The following HPCAL1 variants were observed in gnomAD, a reference collection of about 807,000 sequenced individuals.
The protein encoded by HPCAL1 is hippocalcin like 1.
In HPCAL1, 8 loss-of-function variants were observed where a neutral mutation model predicts 17.1. That is an observed-to-expected ratio of 0.47 (90% confidence interval 0.27 to 0.84). HPCAL1 has a LOEUF of 0.84. HPCAL1 is among the 40% of genes least tolerant of loss of function. The pLI is 0.13. For synonymous variants in HPCAL1, 112 were observed against 111.4 expected (o/e 1.01, Z -0.03); for missense variants, 165 against 271.1 (o/e 0.61, Z 2.75).
chr2:10,307,252 C>T (rs558712764), intron 1 of HPCAL1, among the ~76,000 whole-genome samples: 115 of 152,320 alleles, frequency 7.5e-4, no homozygotes, highest in Non-Finnish European at 1.2e-3. Context: ...TTGGGTGGTG[C>T]GTGGTTCTCC....
intron 2 of HPCAL1, among the ~76,000 whole-genome samples, chr2:10,410,016 C>G (rs1670248891): frequency 1.3e-5 from 2 of 148,912 alleles, no homozygotes; most frequent in Non-Finnish European, 3.0e-5. Flanking sequence ...TCTTGAACTC[C>G]TGAGCTCAGA....
rs1400223229 is a variant in HPCAL1, at chr2:10,331,406, C to A, written c.-111+28229C>A. On this transcript the variant is annotated intron_variant, in intron 1 of 4. Coordinates refer to ENST00000307845, the MANE Select transcript of HPCAL1 (RefSeq NM_002149.4). The surrounding 1 kb of genome is among the most constrained non-coding windows in gnomAD (Gnocchi z 5.0). Reference sequence around the variant, plus strand: ...CCCGGGGAGCTCGGAGTTCTGCAGGCACGGGGCTGGCTCCTTTCTTCATGT... The same window carrying A: ...CCCGGGGAGCTCGGAGTTCTGCAGGAACGGGGCTGGCTCCTTTCTTCATGT... Among the ~76,000 whole-genome samples the A allele has an allele frequency of 6.6e-6, 1 of 152,208 alleles. No homozygotes were observed. The highest frequency in any genetic ancestry group is 1.5e-5 in the Non-Finnish European group (1 of 68,030).
intron 1 of HPCAL1, among the ~76,000 whole-genome samples, chr2:10,322,843 C>G (rs1663757651): frequency 6.6e-6 from 1 of 152,180 alleles, no homozygotes; most frequent in African/African-American, 2.4e-5. Flanking sequence ...CTTATCTAAG[C>G]CACTCTTATC....
chr2:10,388,945 G>C (rs973751896), intron 1 of HPCAL1, among the ~76,000 whole-genome samples: 1 of 152,144 alleles, frequency 6.6e-6, no homozygotes, highest in Non-Finnish European at 1.5e-5. Context: ...TATAGGAAGA[G>C]GATGCGAGCC....
intron 1 of HPCAL1, among the ~76,000 whole-genome samples, chr2:10,332,242 C>T (rs551643419): frequency 2.6e-5 from 4 of 152,338 alleles, no homozygotes; most frequent in East Asian, 1.9e-4. Context: ...CCCATGATCC[C>T]GTCAGCTTCT....
chr2:10,357,750 T>A (rs745360382), intron 1 of HPCAL1, among the ~76,000 whole-genome samples: 4 of 152,176 alleles, frequency 2.6e-5, no homozygotes, highest in Admixed American at 6.5e-5. Flanking sequence ...AAAGCGTGTT[T>A]TTCCTCCATG....
At chr2:10,321,310 C>A (rs1292952363) in intron 1 of HPCAL1, among the ~76,000 whole-genome samples, 1 of 152,108 alleles carries the variant, frequency 6.6e-6, no homozygotes, top group East Asian at 1.9e-4. Context: ...GAAATCCACC[C>A]ACATGATCCA....
At chr2:10,378,190 T>C (rs1450864690) in intron 1 of HPCAL1, among the ~76,000 whole-genome samples, 1 of 151,038 alleles carries the variant, frequency 6.6e-6, no homozygotes, top group Non-Finnish European at 1.5e-5. Context: ...TGCAGCTACT[T>C]GCCCAAGAAA....
rs151087409 is a variant in HPCAL1, at chr2:10,426,764, C to T, written c.525C>T (p.Ser175=). The part of the protein sequence containing the change: ...SLEEFIRGAK[S]DPSIVRLLQC... ...AAGAATTCATCAGAGGTGCCAAGAG[C>T]GACCCCTCCATCGTCCGCCTGCTGC... Residue 175 remains serine (S), a synonymous_variant, in exon 5 of 5, where the codon AGC becomes AGT. Coordinates refer to ENST00000307845, the MANE Select transcript of HPCAL1 (RefSeq NM_002149.4). The T allele has an allele frequency of 3.3e-5, 54 of 1,613,414 alleles. No homozygotes were observed. In the African/African-American group the frequency reaches 3.7e-4, roughly 11 times the overall value.
rs1464843352 is a variant in HPCAL1 at position 10,365,019 on chromosome 2, C to A, written c.-110-31816C>A. On this transcript the variant is annotated intron_variant, in intron 1 of 4. Transcript: ENST00000307845. This position sits in a 1 kb window ranked among gnomAD's most constrained non-coding sequence, Gnocchi z 4.8. ...CTCTGTGATGTCACCCAGGTGCCAC[C>A]AGGTGTGTGTGTCCTGATGCCTTTG... Among the ~76,000 whole-genome samples, 1 of 152,162 alleles carries A rather than the reference C, an allele frequency of 6.6e-6. No homozygotes were observed. Among genetic ancestry groups the A allele is most frequent in the Non-Finnish European group, 1.5e-5 (1 of 68,036 alleles).
rs1392106240 is a variant in HPCAL1 at position 10,367,107 on chromosome 2, G to A, written c.-110-29728G>A. 6.6e-6 allele frequency among the ~76,000 whole-genome samples: 1 copy of A among 152,068 alleles called. No individual in the cohort carries two copies. Among genetic ancestry groups the A allele is most frequent in the African/African-American group, 2.4e-5 (1 of 41,398 alleles). On this transcript the variant is annotated intron_variant, in intron 1 of 4. Coordinates refer to ENST00000307845, the MANE Select transcript of HPCAL1 (RefSeq NM_002149.4). The surrounding 1 kb of genome is among the most constrained non-coding windows in gnomAD (Gnocchi z 4.4). ...CAAGAGAGACCGGGAGGAGCATCTG[G>A]TGGAGGACCTGGGTGTTCTGTCTGG...
At chr2:10,383,228 C>T (rs1046288526) in intron 1 of HPCAL1, among the ~76,000 whole-genome samples, 88 of 152,166 alleles carry the variant, frequency 5.8e-4, no homozygotes, top group Non-Finnish European at 7.6e-4. Context: ...CAAAACTAGC[C>T]TGGCGTGGTG....
rs55897775 is a variant in HPCAL1 at position 10,349,702 on chromosome 2, C to CAAAAAAAAAAAAA, written c.-111+46550_-111+46562dup. Among the ~76,000 whole-genome samples, 5 of 52,736 alleles carry CAAAAAAAAAAAAA rather than the reference C, an allele frequency of 9.5e-5. 1 individual carries two copies. Among genetic ancestry groups the CAAAAAAAAAAAAA allele is most frequent in the African/African-American group, 4.9e-4 (5 of 10,290 alleles). The allele number at this position is 52,736 out of a possible 152,430, so 34.6% of individuals were successfully genotyped here. A position where few individuals can be genotyped will look rare whatever the true frequency, so the allele number is the denominator to read the frequency against. On this transcript the variant is annotated intron_variant, in intron 1 of 4. Transcript: ENST00000307845. ...TGGGTGACAGAGCAAGACTCTGTCT[C>CAAAAAAAAAAAAA]AAAAAAAAAAAAAAAAAAAAAAAAA...
At chr2:10,399,224 C>CGCCGCTGCCGCT in intron 2 of HPCAL1, among the ~76,000 whole-genome samples, 1 of 139,952 alleles carries the variant, frequency 7.1e-6, no homozygotes, top group Non-Finnish European at 1.6e-5. Context: ...CCACCACCAC[C>CGCCGCTGCCGCT]ACCACCACCA....
chr2:10,382,657 C>A (rs1668036375), intron 1 of HPCAL1, among the ~76,000 whole-genome samples: 1 of 151,350 alleles, frequency 6.6e-6, no homozygotes, highest in Admixed American at 6.6e-5. Context: ...GGCCACGCAT[C>A]CCAAGCAAGT....
At chr2:10,416,444 G>A (rs1239291642) in intron 2 of HPCAL1, among the ~76,000 whole-genome samples, 1 of 152,190 alleles carries the variant, frequency 6.6e-6, no homozygotes, top group Non-Finnish European at 1.5e-5. Context: ...CCCGAGAGCT[G>A]TCAGTGACAG....
rs769646547 is a variant in HPCAL1, at chr2:10,419,830, C to A, written c.73C>A (p.His25Asn). 14 of 1,613,638 alleles carry A rather than the reference C, an allele frequency of 8.7e-6. No homozygotes were observed. The highest frequency in any genetic ancestry group is 3.3e-4 in the Middle Eastern group (2 of 6,084). Residue 25 changes from histidine (H) to asparagine (N), a missense_variant, in exon 3 of 5, where the codon CAC becomes AAC. Coordinates refer to ENST00000307845, the MANE Select transcript of HPCAL1 (RefSeq NM_002149.4). The surrounding 1 kb of genome is among the most constrained non-coding windows in gnomAD (Gnocchi z 5.0). ...GCGGGAGAACACGGAGTTCACCGAC[C>A]ACGAGCTGCAGGAGTGGTACAAGGG... The part of the protein sequence containing the change: ...DLRENTEFTD[H>N]ELQEWYKGFL...
At position 10,330,621 on chromosome 2, in the gene HPCAL1, C is replaced by T. The variant is rs1392922397; in HGVS notation, c.-111+27444C>T. On this transcript the variant is annotated intron_variant, in intron 1 of 4. Transcript: ENST00000307845. The surrounding 1 kb of genome is among the most constrained non-coding windows in gnomAD (Gnocchi z 4.2). ...CCATCCCTCCGAGTGTGTCTGAGTC[C>T]CAGTCTCCTTGTGAGGACACCAGCC... is the stretch of plus-strand genomic sequence containing the variant. Among the ~76,000 whole-genome samples, 1 of 152,156 alleles carries T rather than the reference C, an allele frequency of 6.6e-6. No homozygotes were observed. The highest frequency in any genetic ancestry group is 2.4e-5 in the African/African-American group (1 of 41,440).
chr2:10,375,851 A>G lies in HPCAL1; in HGVS notation c.-110-20984A>G, dbSNP rs548705212. Among the ~76,000 whole-genome samples, 3 of 152,366 alleles carry G rather than the reference A, an allele frequency of 2.0e-5. No individual in the cohort carries two copies. In the East Asian group the frequency reaches 5.8e-4, roughly 29 times the overall value. ...GACAAACTCTCAAATTAATGACATA[A>G]TTCAAGAGAGTAGCTGCGGAGACAA... On this transcript the variant is annotated intron_variant, in intron 1 of 4. Transcript: ENST00000307845.
Sources: gnomAD v4.1 joint callset for allele counts (sites outside exome capture counted in the v4.1 genomes callset) on GRCh38, gnomAD v4.1.1 for gene constraint, Gnocchi (gnomAD v3.1) non-coding constraint, MANE v1.5 for transcripts, NCBI Gene and HGNC (gene_info 2026-07-23, HGNC 2026-07-21) for gene names.